Variants in GCM1 observed in about 807,000 individuals in gnomAD.
GCM1 encodes the protein GCM transcription factor 1, also known as chorion-specific transcription factor GCMa.
In GCM1, 2 loss-of-function variants were observed where a neutral mutation model predicts 25.7. That is an observed-to-expected ratio of 0.08 (90% CI 0.03 to 0.24). The LOEUF (loss-of-function observed/expected upper bound fraction) is 0.24, where lower values mean the gene tolerates loss of function less well. Ranked by LOEUF, GCM1 falls within the 10% of genes least tolerant of loss-of-function variation. The pLI, the probability that GCM1 is intolerant of heterozygous loss-of-function variation, is 1.00. For synonymous variants in GCM1, 183 were observed against 195.7 expected (o/e 0.94, Z 0.54); for missense variants, 395 against 538.7 (o/e 0.73, Z 2.64).
intron 2 of GCM1, among the ~76,000 whole-genome samples, chr6:53,135,884 G>A (rs1338718480): frequency 6.6e-6 from 1 of 152,198 alleles, no homozygotes; most frequent in East Asian, 1.9e-4. Context: ...AATTTAGAAC[G>A]TGCCAAAGAA....
At chr6:53,141,029 T>C (rs1763864413) in intron 2 of GCM1, among the ~76,000 whole-genome samples, 1 of 152,170 alleles carries the variant, frequency 6.6e-6, no homozygotes, top group Admixed American at 6.5e-5. Context: ...CCTCTAACCT[T>C]ACACAAACTC....
chr6:53,137,334 C>A (rs1763815565), intron 2 of GCM1, among the ~76,000 whole-genome samples: 1 of 152,210 alleles, frequency 6.6e-6, no homozygotes, highest in Non-Finnish European at 1.5e-5. Context: ...AGGCAGCATG[C>A]CTCCTGCTCT....
At chr6:53,142,686 A>G (rs1763897562) in intron 2 of GCM1, among the ~76,000 whole-genome samples, 1 of 152,192 alleles carries the variant, frequency 6.6e-6, no homozygotes, top group Non-Finnish European at 1.5e-5. Context: ...GCCATTCATT[A>G]ATGAATTCCA....
At position 53,144,887 on chromosome 6, in the gene GCM1, C is replaced by A. The variant is rs147169691; in HGVS notation, c.75+671G>T. Among the ~76,000 whole-genome samples, 11 of 129,700 alleles carry A rather than the reference C, an allele frequency of 8.5e-5. No individual in the cohort carries two copies. The East Asian group carries it at 2.6e-3, about 31-fold the overall frequency. The allele number at this position is 129,700 out of a possible 152,430, so 85.1% of individuals were successfully genotyped here. ...CTGAGATAGCACTACTGCACTCCAA[C>A]CTAGTTGACAGAGCCAGACCCTACC... On this transcript the variant is annotated intron_variant, in intron 2 of 5. Transcript: ENST00000259803.
chr6:53,140,955 A>C (rs1383589253), intron 2 of GCM1, among the ~76,000 whole-genome samples: 1 of 152,226 alleles, frequency 6.6e-6, no homozygotes, highest in Non-Finnish European at 1.5e-5. Flanking sequence ...TAAAGCAATT[A>C]GATTTCACCT....
At chr6:53,130,119 A>G (rs1763703676) in intron 5 of GCM1, among the ~76,000 whole-genome samples, 1 of 152,134 alleles carries the variant, frequency 6.6e-6, no homozygotes, top group African/African-American at 2.4e-5. Context: ...CCACATTACA[A>G]TTTTTTTAAA....
chr6:53,132,400 C>T (rs995306580), intron 3 of GCM1, among the ~76,000 whole-genome samples: 2 of 152,140 alleles, frequency 1.3e-5, no homozygotes, highest in African/African-American at 2.4e-5. Flanking sequence ...AAAACCCCTC[C>T]CTACTTATTT....
At chr6:53,142,977 C>A (rs145715183) in intron 2 of GCM1, among the ~76,000 whole-genome samples, 1 of 148,678 alleles carries the variant, frequency 6.7e-6, no homozygotes, top group East Asian at 2.0e-4. Flanking sequence ...ACCCCTCTGT[C>A]TCTGGATATG....
intron 2 of GCM1, among the ~76,000 whole-genome samples, chr6:53,143,184 G>A (rs1377888309): frequency 2.6e-5 from 4 of 152,174 alleles, no homozygotes; most frequent in African/African-American, 9.7e-5. Flanking sequence ...AGCTATTTCC[G>A]TGAGCAATCT....
At chr6:53,131,955 G>T in intron 4 of GCM1, 52 bp downstream of exon 4, 2 of 1,007,418 alleles carry the variant, frequency 2.0e-6, no homozygotes, top group Non-Finnish European at 3.2e-6. Context: ...TCTAGCCTCT[G>T]GTGAAACTCC....
At chr6:53,131,907 C>T (rs1763731916) in intron 4 of GCM1, 100 bp downstream of exon 4, 5 of 747,982 alleles carry the variant, frequency 6.7e-6, no homozygotes, top group Middle Eastern at 4.5e-4. Flanking sequence ...GAGTGTGAGC[C>T]CTCGGGGATG....
chr6:53,141,682 G>A (rs1249507428), intron 2 of GCM1, among the ~76,000 whole-genome samples: 1 of 151,382 alleles, frequency 6.6e-6, no homozygotes, highest in African/African-American at 2.4e-5. Context: ...GCGAGACTCT[G>A]TCTGAAAAAG....
intron 2 of GCM1, among the ~76,000 whole-genome samples, chr6:53,143,312 G>A (rs1458902442): frequency 6.6e-6 from 1 of 152,150 alleles, no homozygotes; most frequent in Non-Finnish European, 1.5e-5. Flanking sequence ...GGAAATTCAT[G>A]TTGGAACATG....
intron 3 of GCM1, among the ~76,000 whole-genome samples, chr6:53,133,112 ACTTTCTT>A (rs1763748648): frequency 6.6e-6 from 1 of 152,192 alleles, no homozygotes; most frequent in Non-Finnish European, 1.5e-5. Flanking sequence ...CCAATAAACT[ACTTTCTT>A]CTAAATTTTA....
chr6:53,147,667 G>T, intron 1 of GCM1, among the ~76,000 whole-genome samples: 1 of 151,960 alleles, frequency 6.6e-6, no homozygotes, highest in East Asian at 1.9e-4. Flanking sequence ...TTCCTCAGGT[G>T]ATCCATACGT....
At chr6:53,134,648 G>A (rs1277383161) in intron 2 of GCM1, among the ~76,000 whole-genome samples, 1 of 152,196 alleles carries the variant, frequency 6.6e-6, no homozygotes, top group African/African-American at 2.4e-5. Context: ...TGAAGGTTAA[G>A]TAATGCTATG....
chr6:53,131,984 C>G (rs200723453), intron 4 of GCM1, 23 bp downstream of exon 4: 4 of 1,325,060 alleles, frequency 3.0e-6, no homozygotes, highest in Middle Eastern at 1.8e-4. Flanking sequence ...GAAACTCTCA[C>G]GTAACTAACT....
At chr6:53,146,268 G>T (rs1763957214) in intron 1 of GCM1, among the ~76,000 whole-genome samples, 1 of 141,776 alleles carries the variant, frequency 7.1e-6, no homozygotes, top group African/African-American at 2.6e-5. Flanking sequence ...CACCCAGGCT[G>T]GAGTGCAATG....
At chr6:53,139,607 C>T (rs1253127948) in intron 2 of GCM1, among the ~76,000 whole-genome samples, 1 of 151,932 alleles carries the variant, frequency 6.6e-6, no homozygotes, top group East Asian at 1.9e-4. Context: ...GTGGCTCAGG[C>T]CTGTAATCCC....
Sources: allele counts gnomAD v4.1 joint callset (sites outside exome capture counted in the v4.1 genomes callset), GRCh38; gene constraint gnomAD v4.1.1; transcripts MANE v1.5; gene names NCBI Gene and HGNC (gene_info 2026-07-23, HGNC 2026-07-21).